AIG1: variants seen among roughly 807,000 people sequenced by gnomAD.
AIG1 encodes androgen induced 1.
AIG1 carries 23 observed loss-of-function variants against 31.4 expected under a neutral mutation model. The observed-to-expected ratio is 0.73, with a 90% CI of 0.53 to 1.04. The LOEUF is 1.04. Among genes scored for constraint, AIG1 ranks in the 50% least tolerant of loss-of-function variants. The pLI is 0.00. For synonymous variants in AIG1, 100 were observed against 110.5 expected (o/e 0.90, Z 0.60); for missense variants, 274 against 295.0 (o/e 0.93, Z 0.52).
chr6:143,264,940 A>T (rs1376941229), intron 3 of AIG1, among the ~76,000 whole-genome samples: 1 of 152,194 alleles, frequency 6.6e-6, no homozygotes, highest in African/African-American at 2.4e-5. Context: ...CTTCGCAATG[A>T]CAACACTCCA....
chr6:143,191,467 A>G (rs1789785657), intron 3 of AIG1, among the ~76,000 whole-genome samples: 1 of 152,002 alleles, frequency 6.6e-6, no homozygotes, highest in Admixed American at 6.6e-5. Flanking sequence ...TTTCCTACAG[A>G]AAAAAAACTT....
rs745490150 is a variant in AIG1, at chr6:143,187,717, A to G, written c.399+22534A>G. 219 of 1,536,032 alleles carry G rather than the reference A, an allele frequency of 1.4e-4. 2 individuals are homozygous for G. The Middle Eastern group carries it at 2.8e-3, about 20-fold the overall frequency. On this transcript the variant is annotated intron_variant, in intron 3 of 5. Transcript: ENST00000357847. ...TGCCTCTCCACAGAAAGCTTGCTCCAGCAATGACTAAAGGATTGACCTGGT... is the reference window on the plus strand; with the variant it reads ...TGCCTCTCCACAGAAAGCTTGCTCCGGCAATGACTAAAGGATTGACCTGGT...
chr6:143,320,691 G>C (rs1395678302), intron 4 of AIG1, among the ~76,000 whole-genome samples: 1 of 152,070 alleles, frequency 6.6e-6, no homozygotes. Context: ...GCTGGGAAGG[G>C]AATCAAGGAG....
rs529238871 is a variant in AIG1, at chr6:143,208,676, T to G, written c.399+43493T>G. Among the ~76,000 whole-genome samples, 168 of 152,124 alleles carry G rather than the reference T, an allele frequency of 1.1e-3. 1 individual carries two copies. Among genetic ancestry groups the G allele is most frequent in the Non-Finnish European group, 1.8e-3 (123 of 68,024 alleles). On this transcript the variant is annotated intron_variant, in intron 3 of 5. Transcript: ENST00000357847. Reference sequence around the variant, plus strand: ...GAAATTAAAAATTAAACTTACCATATTCATACTGCATAAAAGCAACCCCAT... The same window carrying G: ...GAAATTAAAAATTAAACTTACCATAGTCATACTGCATAAAAGCAACCCCAT...
At chr6:143,196,605 G>T (rs968513929) in intron 3 of AIG1, among the ~76,000 whole-genome samples, 5 of 152,126 alleles carry the variant, frequency 3.3e-5, no homozygotes, top group Non-Finnish European at 5.9e-5. Context: ...TGGAGAAATG[G>T]TTCTCTGACC....
chr6:143,335,436 G>A, intron 5 of AIG1: 1 of 163,240 alleles, frequency 6.1e-6, no homozygotes, highest in Non-Finnish European at 1.3e-5. Flanking sequence ...GGAGGCTGAG[G>A]CAGGAGAACT....
chr6:143,282,645 C>G (rs9321897), intron 3 of AIG1, among the ~76,000 whole-genome samples: 12,240 of 152,220 alleles, frequency 0.08, 800 homozygotes, highest in East Asian at 0.34. Flanking sequence ...ACCTGATTTT[C>G]TCAGAATGCC....
At chr6:143,300,520 C>T (rs1034034028) in intron 4 of AIG1, among the ~76,000 whole-genome samples, 2 of 152,084 alleles carry the variant, frequency 1.3e-5, no homozygotes, top group African/African-American at 4.8e-5. Context: ...TTAGAGATAA[C>T]CCCTGATAGA....
chr6:143,215,636 G>A (rs1464472684), intron 3 of AIG1, among the ~76,000 whole-genome samples: 1 of 151,992 alleles, frequency 6.6e-6, no homozygotes, highest in African/African-American at 2.4e-5. Flanking sequence ...TTTAGATATG[G>A]CTGCTGAGTC....
intron 1 of AIG1, among the ~76,000 whole-genome samples, chr6:143,127,058 T>G (rs757670363): frequency 7.9e-5 from 12 of 152,188 alleles, no homozygotes; most frequent in Non-Finnish European, 1.2e-4. Flanking sequence ...ATAGAGAGAT[T>G]TTATATGTAG....
In AIG1 at chr6:143,330,484, G is replaced by A. The variant is rs9496587; in HGVS notation, c.516-2798G>A. On this transcript the variant is annotated intron_variant, in intron 4 of 5. Transcript: ENST00000357847. The surrounding 1 kb of genome is among the most constrained non-coding windows in gnomAD (Gnocchi z 4.4). ...GAGGCAGAGAGAGCTTAGAGTGTTC[G>A]AGGAACACCAAGGAGTTGATGGGCT... Among the ~76,000 whole-genome samples, 436 of 152,238 alleles carry A rather than the reference G, an allele frequency of 2.9e-3. 3 individuals carry two copies. The highest frequency in any genetic ancestry group is 9.7e-3 in the African/African-American group (405 of 41,548).
intron 3 of AIG1, among the ~76,000 whole-genome samples, chr6:143,255,135 A>T (rs565895278): frequency 6.9e-4 from 105 of 152,278 alleles, no homozygotes; most frequent in Middle Eastern, 6.8e-3. Context: ...AGAGCCCCTT[A>T]CTTTGCTTCG....
intron 3 of AIG1, among the ~76,000 whole-genome samples, chr6:143,186,082 C>T (rs1789234778): frequency 6.6e-6 from 1 of 152,182 alleles, no homozygotes; most frequent in African/African-American, 2.4e-5. Flanking sequence ...TGCCCAAGCG[C>T]TCACAGCCCA....
chr6:143,068,913 G>A (rs1427600925), intron 1 of AIG1, among the ~76,000 whole-genome samples: 9 of 151,758 alleles, frequency 5.9e-5, no homozygotes, highest in Admixed American at 5.9e-4. Flanking sequence ...TTTGATATTT[G>A]ACTTTTCAGT....
chr6:143,307,153 C>G (rs1409826914), intron 4 of AIG1, among the ~76,000 whole-genome samples: 5 of 152,194 alleles, frequency 3.3e-5, no homozygotes, highest in Admixed American at 6.5e-5. Context: ...TGAATTTCCT[C>G]CTGTAGCTCG....
intron 1 of AIG1, among the ~76,000 whole-genome samples, chr6:143,074,469 C>G (rs1777563845): frequency 2.0e-5 from 3 of 152,174 alleles, no homozygotes. Context: ...CTGTGAAAAT[C>G]TAGTTTTTCC....
At chr6:143,323,997 C>T (rs1776419662) in intron 4 of AIG1, among the ~76,000 whole-genome samples, 2 of 152,156 alleles carry the variant, frequency 1.3e-5, no homozygotes, top group Non-Finnish European at 2.9e-5. Flanking sequence ...AAAGTCAAAC[C>T]TGTCCTTGAA....
At chr6:143,320,883 G>A (rs1461708705) in intron 4 of AIG1, among the ~76,000 whole-genome samples, 3 of 149,284 alleles carry the variant, frequency 2.0e-5, no homozygotes, top group African/African-American at 7.4e-5. Context: ...GTGCAATGGC[G>A]CAATCTTGGC....
chr6:143,261,267 G>A (rs1185971108), intron 3 of AIG1, among the ~76,000 whole-genome samples: 1 of 152,182 alleles, frequency 6.6e-6, no homozygotes, highest in Non-Finnish European at 1.5e-5. Flanking sequence ...AACTAGCTGG[G>A]ATTCCAGGCA....
Sources: gnomAD v4.1 joint callset for allele counts (sites outside exome capture counted in the v4.1 genomes callset) on GRCh38, gnomAD v4.1.1 for gene constraint, Gnocchi (gnomAD v3.1) non-coding constraint, MANE v1.5 for transcripts, NCBI Gene and HGNC (gene_info 2026-07-23, HGNC 2026-07-21) for gene names.